Variants in TOX2 observed in about 807,000 individuals in gnomAD.
TOX2 encodes the protein granulosa cell HMG box 1.
TOX2 carries 15 observed loss-of-function variants against 47.4 expected under a neutral mutation model. The ratio of observed to expected loss-of-function variants is 0.32; its 90% CI spans 0.21 to 0.49. The LOEUF (loss-of-function observed/expected upper bound fraction) is 0.49, where lower values mean the gene tolerates loss of function less well. Among genes scored for constraint, TOX2 ranks in the 20% least tolerant of loss-of-function variants. The pLI is 0.99. For missense variants in TOX2, 622 were observed against 673.1 expected, an observed-to-expected ratio of 0.92 and a Z score of 0.84; for synonymous variants, 290 against 296.6, an observed-to-expected ratio of 0.98 and a Z score of 0.23.
At chr20:43,958,106 C>T (rs2069697923) in intron 1 of TOX2, among the ~76,000 whole-genome samples, 1 of 152,142 alleles carries the variant, frequency 6.6e-6, no homozygotes, top group African/African-American at 2.4e-5. Flanking sequence ...CGTGGTCTTC[C>T]CTCTGAAATG....
At chr20:44,050,723 C>T in intron 3 of TOX2, among the ~76,000 whole-genome samples, 1 of 152,174 alleles carries the variant, frequency 6.6e-6, no homozygotes, top group African/African-American at 2.4e-5. Context: ...GTATTTAACA[C>T]ATGCTTATAC....
intron 1 of TOX2, among the ~76,000 whole-genome samples, chr20:43,930,683 G>A (rs1273265605): frequency 1.3e-5 from 2 of 152,162 alleles, no homozygotes; most frequent in Non-Finnish European, 2.9e-5. Context: ...CCATGGGAAT[G>A]TTTCTGTTGA....
chr20:44,021,672 A>G (rs1600746499), intron 3 of TOX2, among the ~76,000 whole-genome samples: 3 of 152,248 alleles, frequency 2.0e-5, no homozygotes, highest in African/African-American at 7.2e-5. Context: ...TCTGTTGCCC[A>G]GGCTGGAGTG....
At position 44,069,043 on chromosome 20, in the gene TOX2, C is replaced by T. The variant is rs1273777400; in HGVS notation, c.*357C>T. ...CGCCCCTGGCGGGGTCGCTTACCAA[C>T]GGACACCCACCCCAGATGCATGGGC... On this transcript the variant is annotated 3_prime_UTR_variant, in exon 9 of 9. Coordinates refer to ENST00000341197, the MANE Select transcript of TOX2 (RefSeq NM_001098797.2). 7 of 420,666 alleles carry T rather than the reference C, an allele frequency of 1.7e-5. No homozygotes were observed. Among genetic ancestry groups the T allele is most frequent in the South Asian group, 5.8e-5 (3 of 51,696 alleles). The allele number at this position is 420,666 out of a possible 1,614,324, so 26.1% of individuals were successfully genotyped here.
At chr20:44,036,110 G>T (rs185410093) in intron 3 of TOX2, among the ~76,000 whole-genome samples, 2 of 152,214 alleles carry the variant, frequency 1.3e-5, no homozygotes, top group Non-Finnish European at 2.9e-5. Context: ...TTGCAGCTGC[G>T]AGCTGTCAGA....
At chr20:44,040,724 G>A (rs2071318739) in intron 3 of TOX2, among the ~76,000 whole-genome samples, 1 of 152,172 alleles carries the variant, frequency 6.6e-6, no homozygotes, top group Admixed American at 6.5e-5. Context: ...TGAGGATGGT[G>A]GTGAGGACAC....
At chr20:43,935,882 A>ATG (rs1386357991) in intron 1 of TOX2, among the ~76,000 whole-genome samples, 1 of 139,586 alleles carries the variant, frequency 7.2e-6, no homozygotes, top group Non-Finnish European at 1.5e-5. Context: ...AGCCAAGATC[A>ATG]TGCCATTGCA....
intron 3 of TOX2, among the ~76,000 whole-genome samples, chr20:44,027,742 G>A (rs1017675014): frequency 1.3e-5 from 2 of 152,252 alleles, no homozygotes; most frequent in African/African-American, 4.8e-5. Context: ...GAAGTGCACA[G>A]GCAAAGATGA....
intron 1 of TOX2, among the ~76,000 whole-genome samples, chr20:43,942,253 C>G (rs1052407554): frequency 3.3e-5 from 5 of 152,180 alleles, no homozygotes; most frequent in Non-Finnish European, 5.9e-5. Flanking sequence ...CCCATCTTAA[C>G]ATTAGTAAAC....
chr20:44,009,190 C>A (rs2070739683), intron 3 of TOX2, among the ~76,000 whole-genome samples: 2 of 152,184 alleles, frequency 1.3e-5, no homozygotes, highest in South Asian at 4.1e-4. Context: ...GCTTTATAGT[C>A]AAACGATCTC....
At chr20:43,986,820 C>G (rs765103021) in intron 2 of TOX2, among the ~76,000 whole-genome samples, 12 of 152,106 alleles carry the variant, frequency 7.9e-5, no homozygotes, top group African/African-American at 2.9e-4. Context: ...AATCCTAGCA[C>G]TTTGGGAGTC....
intron 5 of TOX2, among the ~76,000 whole-genome samples, chr20:44,059,908 T>G (rs2071687005): frequency 6.6e-6 from 1 of 152,142 alleles, no homozygotes; most frequent in Non-Finnish European, 1.5e-5. Context: ...ACCTCACATC[T>G]CAATACTAGC....
intron 2 of TOX2, among the ~76,000 whole-genome samples, chr20:43,995,511 G>T (rs2070458220): frequency 6.6e-6 from 1 of 152,134 alleles, no homozygotes; most frequent in Non-Finnish European, 1.5e-5. Flanking sequence ...TAGCAGAGAT[G>T]GCTTTTTTTA....
rs184289101 is a variant in TOX2, at chr20:43,936,428, T to C, written c.99+21438T>C. On this transcript the variant is annotated intron_variant, in intron 1 of 8. Coordinates refer to ENST00000341197, the MANE Select transcript of TOX2 (RefSeq NM_001098797.2). ...ATGGCTTAAAACAATAACCATTTCA[T>C]TAAGCTCATGATTCCATGGGTTGGC... 1.2e-4 allele frequency among the ~76,000 whole-genome samples: 18 copies of C among 152,396 alleles called. No homozygotes were observed. The East Asian group carries it at 3.3e-3, about 28-fold the overall frequency.
At chr20:44,053,288 G>A (rs924187532) in intron 4 of TOX2, among the ~76,000 whole-genome samples, 51 of 152,172 alleles carry the variant, frequency 3.4e-4, no homozygotes, top group Non-Finnish European at 6.5e-4. Context: ...AGTAACAGTC[G>A]CTTTAGCCTC....
At chr20:44,016,222 T>G (rs1330754697) in intron 3 of TOX2, among the ~76,000 whole-genome samples, 1 of 152,044 alleles carries the variant, frequency 6.6e-6, no homozygotes, top group Non-Finnish European at 1.5e-5. Context: ...TAGGAACCAT[T>G]AGGGTGCCTA....
At chr20:44,066,641 G>T in intron 7 of TOX2, 89 bp from the exon 8 acceptor site, 1 of 1,600,224 alleles carries the variant, frequency 6.2e-7, no homozygotes, top group Non-Finnish European at 8.5e-7. Context: ...GGACACCCTT[G>T]GACACATGGG....
At chr20:44,015,441 C>T (rs984989451) in intron 3 of TOX2, among the ~76,000 whole-genome samples, 1 of 152,116 alleles carries the variant, frequency 6.6e-6, no homozygotes, top group African/African-American at 2.4e-5. Context: ...GAGACTAACA[C>T]CGGCTCTGAA....
chr20:44,065,939 C>G lies in TOX2; in HGVS notation c.1188C>G (p.Phe396Leu). 1 of 1,612,242 alleles carries G rather than the reference C, an allele frequency of 6.2e-7. No individual in the cohort carries two copies. The highest frequency in any genetic ancestry group is 8.5e-7 in the Non-Finnish European group (1 of 1,179,066). Residue 396 changes from phenylalanine to leucine, a missense_variant, in exon 7 of 9, where the codon TTC (phenylalanine) becomes TTG (leucine). This residue lies in a region of TOX2 where 294 missense variants were observed against 300.0 expected (regional missense o/e 0.98). Transcript: ENST00000341197. ...CGTCCCCGCCGCCGCCACCCTCCTTCCCGCTCAGCCCCACACTGCACCAGC... is the reference window on the plus strand; with the variant it reads ...CGTCCCCGCCGCCGCCACCCTCCTTGCCGCTCAGCCCCACACTGCACCAGC... ...LSASPPPPPS[F>L]PLSPTLHQQL...
Sources: allele counts gnomAD v4.1 joint callset (sites outside exome capture counted in the v4.1 genomes callset), GRCh38; gene constraint gnomAD v4.1.1; regional missense constraint gnomAD v4.1.1; transcripts MANE v1.5; gene names NCBI Gene and HGNC (gene_info 2026-07-23, HGNC 2026-07-21).